MED24: variants seen among roughly 807,000 people sequenced by gnomAD.
MED24 encodes the protein mediator of RNA polymerase II transcription subunit 24.
A neutral mutation model predicts 118.8 loss-of-function variants in MED24; 74 were observed. The ratio of observed to expected loss-of-function variants is 0.62; its 90% CI spans 0.52 to 0.76. MED24 has a LOEUF of 0.76. Among genes scored for constraint, MED24 ranks in the 30% least tolerant of loss-of-function variants. The probability of loss-of-function intolerance (pLI) is 0.00; values close to 1 mark genes in which losing one functional copy is unlikely to be tolerated. For synonymous variants in MED24, 521 were observed against 523.9 expected, an observed-to-expected ratio of 0.99 and a Z score of 0.08; for missense variants, 1,041 against 1,278.9, an observed-to-expected ratio of 0.81 and a Z score of 2.84.
In MED24 at chr17:40,031,168, A is replaced by G. The variant is rs1983326131; in HGVS notation, c.1145T>C (p.Met382Thr). Residue 382 changes from methionine to threonine, a missense_variant, in exon 12 of 26, where the codon ATG becomes ACG. Around this residue, in one of 3 missense-constraint regions of MED24, gnomAD observed 434 missense variants for 514.9 expected, o/e 0.84. Transcript: ENST00000394128. ...LLSEASVNNL[M>T]AKRKADREHA... ...GTGCGTTCACACTTACCGCTTAGCC[A>G]TAAGGTTGTTGACGCTGGCCTCAGA... 5 of 1,566,286 alleles carry G rather than the reference A, an allele frequency of 3.2e-6. No individual in the cohort carries two copies. The highest frequency in any genetic ancestry group is 4.3e-6 in the Non-Finnish European group (5 of 1,154,298).
chr17:40,051,098 T>C (rs1373118299), intron 3 of MED24, among the ~76,000 whole-genome samples: 2 of 141,282 alleles, frequency 1.4e-5, no homozygotes, highest in Non-Finnish European at 3.0e-5. Context: ...ATCGCGCCAT[T>C]GCACTCCAGC....
intron 3 of MED24, among the ~76,000 whole-genome samples, chr17:40,041,643 T>C (rs1339598451): frequency 6.6e-6 from 1 of 152,164 alleles, no homozygotes; most frequent in Non-Finnish European, 1.5e-5. Context: ...AACCCTACTC[T>C]GCTCTTCCAC....
intron 23 of MED24, 58 bp from the exon 24 acceptor site, chr17:40,020,411 C>A (rs753899638): frequency 1.3e-6 from 2 of 1,555,176 alleles, no homozygotes; most frequent in Non-Finnish European, 8.7e-7. Flanking sequence ...AAAAGTGGTG[C>A]TCCCCGGGGA....
chr17:40,022,676 G>A lies in MED24; in HGVS notation c.2401C>T (p.Leu801Phe), dbSNP rs777962535. The A allele has an allele frequency of 2.5e-6, 4 of 1,613,632 alleles. No individual in the cohort carries two copies. The highest frequency in any genetic ancestry group is 1.3e-5 in the African/African-American group (1 of 74,862). Residue 801 changes from leucine to phenylalanine, a missense_variant, in exon 21 of 26, where the codon CTC (leucine) becomes TTC (phenylalanine). Around this residue, in one of 3 missense-constraint regions of MED24, gnomAD observed 587 missense variants for 694.4 expected, o/e 0.85. Transcript: ENST00000394128. ...LLTDSSKWHS[L>F]MDPPGTALAK... The stretch of plus-strand genomic sequence containing the variant: ...AGAGCAGTGCCCGGGGGGTCCATGA[G>A]GCTGTGCCACTTGGAGGAGTCAGTG...
chr17:40,026,509 C>A, intron 18 of MED24, 138 bp downstream of exon 18: 1 of 1,135,326 alleles, frequency 8.8e-7, no homozygotes, highest in Non-Finnish European at 1.3e-6. Context: ...GTAGCTAAGA[C>A]AACGATTACA....
Position 40,020,902 on chromosome 17 carries a change from G to A in MED24, c.2624-549C>T, listed in dbSNP as rs575085193. Among the ~76,000 whole-genome samples the A allele has an allele frequency of 2.8e-3, 421 of 151,986 alleles. 1 individual carries two copies. The highest frequency in any genetic ancestry group is 4.4e-3 in the Non-Finnish European group (297 of 67,964). On this transcript the variant is annotated intron_variant, in intron 23 of 25. Coordinates refer to ENST00000394128, the MANE Select transcript of MED24 (RefSeq NM_014815.4). ...AGCCTGACCAATATGGTGAAACCCC[G>A]TCTCTACTAAAAATACAAAAATTAG...
chr17:40,020,813 C>T (rs1981887938), intron 23 of MED24, among the ~76,000 whole-genome samples: 1 of 151,970 alleles, frequency 6.6e-6, no homozygotes, highest in Non-Finnish European at 1.5e-5. Flanking sequence ...TGGCTCACGC[C>T]TGTAATCCCA....
At chr17:40,035,055 CAATT>C (rs1164184551) in intron 6 of MED24, 58 bp downstream of exon 6, 4 of 1,610,620 alleles carry the variant, frequency 2.5e-6, no homozygotes, top group Non-Finnish European at 3.4e-6. Context: ...TCTCCCTTCT[CAATT>C]AAAGGACCGG....
chr17:40,037,836 G>A (rs1568168795), intron 3 of MED24, among the ~76,000 whole-genome samples: 2 of 151,740 alleles, frequency 1.3e-5, no homozygotes, highest in African/African-American at 2.4e-5. Flanking sequence ...GCGTGAACCC[G>A]GGAGGCAGAG....
At chr17:40,027,240 C>A in intron 16 of MED24, 143 bp downstream of exon 16, 1 of 1,137,530 alleles carries the variant, frequency 8.8e-7, no homozygotes, top group Admixed American at 2.8e-5. Context: ...CCTCTACGGA[C>A]TCCAGCCCGG....
Position 40,053,358 on chromosome 17 carries a change from C to A in MED24, c.153G>T (p.Met51Ile). 6.2e-7 allele frequency: 1 copy of A among 1,613,346 alleles called. No homozygotes were observed. Among genetic ancestry groups the A allele is most frequent in the Non-Finnish European group, 8.5e-7 (1 of 1,179,482 alleles). The change falls in exon 3 of 26, where the codon ATG (methionine) becomes ATT (isoleucine). Residue 51 changes from methionine to isoleucine, a missense_variant. Around this residue, in one of 3 missense-constraint regions of MED24, gnomAD observed 434 missense variants for 514.9 expected, o/e 0.84. Coordinates refer to ENST00000394128, the MANE Select transcript of MED24 (RefSeq NM_014815.4). Reference protein sequence around the residue: ...NLADALLEQAMIGPSPNPLIL... With the variant: ...NLADALLEQAIIGPSPNPLIL... ...TGAGAGGATTGGGGGATGGTCCAAT[C>A]ATGGCCTGCTCTAGTAACGCATCTG... is the stretch of plus-strand genomic sequence containing the variant.
At chr17:40,036,558 C>T (rs1319834028) in intron 3 of MED24, among the ~76,000 whole-genome samples, 1 of 151,746 alleles carries the variant, frequency 6.6e-6, no homozygotes, top group Non-Finnish European at 1.5e-5. Flanking sequence ...TGTGGTGGTG[C>T]GTGCCTATAA....
chr17:40,020,639 T>G, intron 23 of MED24: 1 of 438,770 alleles, frequency 2.3e-6, no homozygotes, highest in African/African-American at 2.0e-5. Context: ...ATACAAAAAT[T>G]AGCTGGGTGT....
intron 3 of MED24, among the ~76,000 whole-genome samples, chr17:40,047,365 A>G (rs930711137): frequency 1.3e-5 from 2 of 152,062 alleles, no homozygotes; most frequent in Admixed American, 1.3e-4. Flanking sequence ...TACAATTGCT[A>G]AAACTCACTA....
chr17:40,020,958 A>G (rs1981910788), intron 23 of MED24, among the ~76,000 whole-genome samples: 1 of 152,180 alleles, frequency 6.6e-6, no homozygotes, highest in Non-Finnish European at 1.5e-5. Context: ...CTGTAGTCCC[A>G]GAGACTCAGG....
chr17:40,046,530 G>T (rs1282432369), intron 3 of MED24, among the ~76,000 whole-genome samples: 1 of 149,578 alleles, frequency 6.7e-6, no homozygotes, highest in African/African-American at 2.4e-5. Flanking sequence ...CGGATCATGA[G>T]GTCAGGAGAT....
At position 40,023,413 on chromosome 17, in the gene MED24, G is replaced by T; in HGVS notation, c.1986-18C>A. On this transcript the variant is annotated intron_variant, in intron 19 of 25. Coordinates refer to ENST00000394128, the MANE Select transcript of MED24 (RefSeq NM_014815.4). ...TCACCACCCTGGGGGAGGGCCGAGAGAACCTGAGGCTCAGGTGCCACTGTA... is the reference window on the plus strand; with the variant it reads ...TCACCACCCTGGGGGAGGGCCGAGATAACCTGAGGCTCAGGTGCCACTGTA... 6.4e-7 allele frequency: 1 copy of T among 1,569,326 alleles called. No homozygotes were observed. The highest frequency in any genetic ancestry group is 1.2e-5 in the South Asian group (1 of 83,156).
At position 40,031,146 on chromosome 17, in the gene MED24, C is replaced by T. The variant is rs1183663550; in HGVS notation, c.1154+13G>A. The T allele has an allele frequency of 3.9e-6, 6 of 1,555,668 alleles. No individual in the cohort carries two copies. Among genetic ancestry groups the T allele is most frequent in the East Asian group, 4.8e-5 (2 of 41,886 alleles). ...AGGGGCTCTTGGGGTAGCACAGGTG[C>T]GTTCACACTTACCGCTTAGCCATAA... On this transcript the variant is annotated intron_variant, in intron 12 of 25. Transcript: ENST00000394128.
rs1453137889 is a variant in MED24 at position 40,053,475 on chromosome 17, G to C, written c.124C>G (p.Leu42Val). 6 of 1,614,178 alleles carry C rather than the reference G, an allele frequency of 3.7e-6. No individual in the cohort carries two copies. In the Admixed American group the frequency reaches 1.0e-4, roughly 27 times the overall value. Residue 42 changes from leucine to valine, a missense_variant, in exon 2 of 26, where the codon CTG (leucine) becomes GTG (valine). Around this residue, in one of 3 missense-constraint regions of MED24, gnomAD observed 434 missense variants for 514.9 expected, o/e 0.84. Coordinates refer to ENST00000394128, the MANE Select transcript of MED24 (RefSeq NM_014815.4). ...PKGATWDILNLADALLEQAMI... is the reference protein window; with the variant it reads ...PKGATWDILNVADALLEQAMI... ...TTCCCAGTTCACTTGAGACCTGCCA[G>C]GTTGAGAATATCCCAGGTGGCTCCT... is the stretch of plus-strand genomic sequence containing the variant.
Sources: gnomAD v4.1 joint callset for allele counts (sites outside exome capture counted in the v4.1 genomes callset) on GRCh38, gnomAD v4.1.1 for gene constraint, gnomAD v4.1.1 regional missense constraint, MANE v1.5 for transcripts, NCBI Gene and HGNC (gene_info 2026-07-23, HGNC 2026-07-21) for gene names.